The following ANKFY1 variants were observed in gnomAD, a reference collection of about 807,000 sequenced individuals.
The protein encoded by ANKFY1 is ankyrin repeat and FYVE domain containing 1.
A neutral mutation model predicts 128.3 loss-of-function variants in ANKFY1; 47 were observed. The observed-to-expected ratio is 0.37, with a 90% confidence interval of 0.29 to 0.47. The LOEUF is 0.47. Among genes scored for constraint, ANKFY1 ranks in the 20% least tolerant of loss-of-function variants. ANKFY1 has a pLI of 1.00. For synonymous variants in ANKFY1, 553 were observed against 601.6 expected (o/e 0.92, Z 1.18); for missense variants, 1,222 against 1,510.6 (o/e 0.81, Z 3.17).
intron 4 of ANKFY1, among the ~76,000 whole-genome samples, chr17:4,211,721 T>C (rs1423038543): frequency 3.3e-5 from 5 of 151,604 alleles, no homozygotes; most frequent in Non-Finnish European, 7.4e-5. Flanking sequence ...AATTGAGAAA[T>C]TAGGCAGGCA....
chr17:4,225,839 G>A (rs1009087506), intron 3 of ANKFY1, among the ~76,000 whole-genome samples: 1 of 152,088 alleles, frequency 6.6e-6, no homozygotes, highest in Admixed American at 6.5e-5. Context: ...TCAGTTCACT[G>A]CAACCTCTGC....
At chr17:4,215,231 T>A (rs1598090817) in intron 4 of ANKFY1, among the ~76,000 whole-genome samples, 1 of 146,450 alleles carries the variant, frequency 6.8e-6, no homozygotes, top group Non-Finnish European at 1.5e-5. Context: ...GAGGTTGCAG[T>A]GAGCCAAGAC....
At chr17:4,209,241 T>G (rs906026986) in intron 5 of ANKFY1, among the ~76,000 whole-genome samples, 2 of 152,224 alleles carry the variant, frequency 1.3e-5, no homozygotes, top group Admixed American at 1.3e-4. Flanking sequence ...CAGCAGCAGC[T>G]TCCACAGATG....
intron 3 of ANKFY1, chr17:4,223,738 T>C (rs1247296602): frequency 1.3e-5 from 20 of 1,579,410 alleles, no homozygotes; most frequent in Non-Finnish European, 1.5e-5. Context: ...TGATGGCCTG[T>C]TGCTGGGCCT....
intron 7 of ANKFY1, among the ~76,000 whole-genome samples, chr17:4,200,163 T>G (rs757926984): frequency 6.6e-6 from 1 of 151,720 alleles, no homozygotes; most frequent in Non-Finnish European, 1.5e-5. Context: ...CAGGGCTCAG[T>G]TGATCCTCCC....
At chr17:4,246,290 G>A (rs1180530433) in intron 1 of ANKFY1, among the ~76,000 whole-genome samples, 2 of 152,206 alleles carry the variant, frequency 1.3e-5, no homozygotes, top group Non-Finnish European at 2.9e-5. Context: ...GAAAATGCAA[G>A]AGAAGGTTTC....
intron 3 of ANKFY1, chr17:4,223,543 A>T: frequency 8.2e-7 from 1 of 1,212,180 alleles, no homozygotes; most frequent in Non-Finnish European, 1.2e-6. Context: ...GGCTCTTGAA[A>T]GTCTGGTTAA....
chr17:4,193,419 CT>C (rs34747890), intron 10 of ANKFY1, among the ~76,000 whole-genome samples: 100 of 108,226 alleles, frequency 9.2e-4, no homozygotes, highest in African/African-American at 3.9e-3. Flanking sequence ...CCAGTCGACT[CT>C]TTTTTTTTTT....
At position 4,181,244 on chromosome 17, in the gene ANKFY1, A is replaced by C; in HGVS notation, c.2240+10T>G. ...AAAAAGCTGTGGAGAGATACTGGGGACTCTCAGACCTGCGAATAAGAAAGC... is the reference window on the plus strand; with the variant it reads ...AAAAAGCTGTGGAGAGATACTGGGGCCTCTCAGACCTGCGAATAAGAAAGC... On this transcript the variant is annotated intron_variant, in intron 16 of 24. Transcript: ENST00000341657. The surrounding 1 kb of genome is among the most constrained non-coding windows in gnomAD (Gnocchi z 4.9). The C allele has an allele frequency of 6.2e-7, 1 of 1,605,392 alleles. No homozygotes were observed. Among genetic ancestry groups the C allele is most frequent in the East Asian group, 2.2e-5 (1 of 44,810 alleles).
chr17:4,167,994 G>T lies in ANKFY1; in HGVS notation c.3378-83C>A. ...GGCACGTGAGGACAACCGCAGCAGG[G>T]CCTGGCAGCCAAGGCGCCCGCAATG... On this transcript the variant is annotated intron_variant, in intron 24 of 24. Coordinates refer to ENST00000341657, the MANE Select transcript of ANKFY1 (RefSeq NM_001330063.2). This position sits in a 1 kb window ranked among gnomAD's most constrained non-coding sequence, Gnocchi z 4.1. 6.8e-7 allele frequency: 1 copy of T among 1,481,068 alleles called. No individual in the cohort carries two copies. The highest frequency in any genetic ancestry group is 1.3e-5 in the South Asian group (1 of 74,322). 91.7% of individuals were successfully genotyped at this position (1,481,068 alleles called of 1,614,324 possible).
At chr17:4,223,126 C>CAGTT (rs1555634227) in intron 3 of ANKFY1, 4 of 761,390 alleles carry the variant, frequency 5.3e-6, no homozygotes, top group South Asian at 2.9e-5. Flanking sequence ...TTGGTCGAAA[C>CAGTT]AAAGATCAAG....
rs141388332 is a variant in ANKFY1, at chr17:4,249,998, C to T, written c.11-7550G>A. Among the ~76,000 whole-genome samples the T allele has an allele frequency of 1.5e-3, 226 of 152,264 alleles. 1 individual carries two copies. Among genetic ancestry groups the T allele is most frequent in the African/African-American group, 5.1e-3 (210 of 41,538 alleles). On this transcript the variant is annotated intron_variant, in intron 1 of 24. Transcript: ENST00000341657. Reference sequence around the variant, plus strand: ...AGCTCCTCAACCTCTCTGTAGCCTCCGACTCTCAACCACCCCATTCTTAAA... The same window carrying T: ...AGCTCCTCAACCTCTCTGTAGCCTCTGACTCTCAACCACCCCATTCTTAAA...
chr17:4,236,458 A>G (rs903742853), intron 2 of ANKFY1, among the ~76,000 whole-genome samples: 1 of 152,272 alleles, frequency 6.6e-6, no homozygotes, highest in Non-Finnish European at 1.5e-5. Flanking sequence ...TCAACTACTT[A>G]TAAAAAATGG....
chr17:4,165,254 C>T lies in ANKFY1; in HGVS notation c.*2525G>A, dbSNP rs947806905. On this transcript the variant is annotated 3_prime_UTR_variant, in exon 25 of 25. Transcript: ENST00000341657. ...GATGAGCAAAGGGCAGTTGAGAGCA[C>T]ATTCAGCATAACAATGTTGACTGTT... 5.3e-5 allele frequency: 8 copies of T among 152,334 alleles called. No individual in the cohort carries two copies. The highest frequency in any genetic ancestry group is 1.3e-4 in the Admixed American group (2 of 15,304). The allele number at this position is 152,334 out of a possible 1,614,324, so 9.4% of individuals were successfully genotyped here.
At chr17:4,230,052 A>C (rs903578265) in intron 3 of ANKFY1, among the ~76,000 whole-genome samples, 1 of 152,210 alleles carries the variant, frequency 6.6e-6, no homozygotes, top group Non-Finnish European at 1.5e-5. Flanking sequence ...GTATGATTTA[A>C]TACTGAAACT....
chr17:4,171,055 A>T (rs1052288264), intron 22 of ANKFY1, among the ~76,000 whole-genome samples, 194 bp from the exon 23 acceptor site: 2 of 152,182 alleles, frequency 1.3e-5, no homozygotes, highest in Non-Finnish European at 2.9e-5. Flanking sequence ...CCAATAAAGG[A>T]TGTGGCCACG....
At chr17:4,223,708 T>C in intron 3 of ANKFY1, 1 of 1,601,404 alleles carries the variant, frequency 6.2e-7, no homozygotes, top group Non-Finnish European at 8.6e-7. Flanking sequence ...CAATCAACTG[T>C]CCTGATGAAC....
chr17:4,244,740 A>G (rs912785135), intron 1 of ANKFY1, among the ~76,000 whole-genome samples: 1 of 151,838 alleles, frequency 6.6e-6, no homozygotes, highest in Non-Finnish European at 1.5e-5. Context: ...CCCAAGTTTA[A>G]TCCCCCATGT....
chr17:4,211,475 A>G (rs1159099529), intron 4 of ANKFY1, among the ~76,000 whole-genome samples: 1 of 152,164 alleles, frequency 6.6e-6, no homozygotes, highest in Non-Finnish European at 1.5e-5. Context: ...CTACTGTAAC[A>G]ACAAAACCAC....
Sources: gnomAD v4.1 joint callset for allele counts (sites outside exome capture counted in the v4.1 genomes callset) on GRCh38, gnomAD v4.1.1 for gene constraint, Gnocchi (gnomAD v3.1) non-coding constraint, MANE v1.5 for transcripts, NCBI Gene and HGNC (gene_info 2026-07-23, HGNC 2026-07-21) for gene names.